ADRA1A: variants seen among roughly 807,000 people sequenced by gnomAD.
The protein encoded by ADRA1A is alpha-1A adrenergic receptor.
ADRA1A carries 31 observed loss-of-function variants against 29.6 expected under a neutral mutation model. That is an observed-to-expected ratio of 1.05 (90% confidence interval 0.79 to 1.41). ADRA1A has a LOEUF of 1.41. ADRA1A is among the 40% of genes most tolerant of loss of function. The pLI, the probability that ADRA1A is intolerant of heterozygous loss-of-function variation, is 0.00. For synonymous variants in ADRA1A, 311 were observed against 254.3 expected, an observed-to-expected ratio of 1.22 and a Z score of -2.12; for missense variants, 619 against 601.1, an observed-to-expected ratio of 1.03 and a Z score of -0.31.
At chr8:26,807,105 C>A (rs966612173) in intron 2 of ADRA1A, among the ~76,000 whole-genome samples, 1 of 152,226 alleles carries the variant, frequency 6.6e-6, no homozygotes, top group Non-Finnish European at 1.5e-5. Flanking sequence ...CCTTGTAATA[C>A]TTTTCACAGC....
downstream of ADRA1A, among the ~76,000 whole-genome samples, chr8:26,765,362 C>T (rs990557964): frequency 1.3e-5 from 2 of 152,236 alleles, no homozygotes; most frequent in Non-Finnish European, 2.9e-5. Context: ...TTGCTTTTGT[C>T]AGCCTAGCCC....
intron 2 of ADRA1A, among the ~76,000 whole-genome samples, chr8:26,812,451 A>G (rs775477111): frequency 6.6e-6 from 1 of 152,110 alleles, no homozygotes; most frequent in Non-Finnish European, 1.5e-5. Context: ...TTAAGGATAT[A>G]TGCTTATTTA....
At position 26,806,649 on chromosome 8, in the gene ADRA1A, C is replaced by G. The variant is rs1017415961; in HGVS notation, c.884-35983G>C. Among the ~76,000 whole-genome samples the G allele has an allele frequency of 6.6e-6, 1 of 152,170 alleles. No individual in the cohort carries two copies. The highest frequency in any genetic ancestry group is 1.9e-4 in the East Asian group (1 of 5,192). On this transcript the variant is annotated intron_variant, in intron 2 of 2. Coordinates refer to ENST00000380573, the MANE Select transcript of ADRA1A (RefSeq NM_000680.4). The surrounding 1 kb of genome is among the most constrained non-coding windows in gnomAD (Gnocchi z 4.6). ...GCCTATAGCTTAGAATGGAACCTCT[C>G]TAATCGCCAGAGAGTCCGAGGTTTC...
chr8:26,767,372 A>G (rs942999056), downstream of ADRA1A, among the ~76,000 whole-genome samples: 3 of 152,158 alleles, frequency 2.0e-5, no homozygotes, highest in Admixed American at 2.0e-4. Context: ...AAAGGTACAG[A>G]GATTTAGGGG....
Position 26,865,432 on chromosome 8 carries a change from A to G in ADRA1A, c.-463T>C, listed in dbSNP as rs915074831. On this transcript the variant is annotated 5_prime_UTR_variant, in exon 2 of 3. Transcript: ENST00000380573. This position sits in a 1 kb window ranked among gnomAD's most constrained non-coding sequence, Gnocchi z 7.6. ...AAACTCCAGCGCCAGTCTCTCCCTC[A>G]AACCAAAAGATCAGCCGTCGACGCT... is the stretch of plus-strand genomic sequence containing the variant. 14 of 1,002,296 alleles carry G rather than the reference A, an allele frequency of 1.4e-5. No individual in the cohort carries two copies. Among genetic ancestry groups the G allele is most frequent in the African/African-American group, 3.5e-5 (2 of 57,334 alleles). 62.1% of individuals were successfully genotyped at this position (1,002,296 alleles called of 1,614,324 possible). A position where few individuals can be genotyped will look rare whatever the true frequency, so the allele number is the denominator to read the frequency against.
intron 2 of ADRA1A, among the ~76,000 whole-genome samples, chr8:26,802,147 C>A (rs1042534593): frequency 2.6e-5 from 4 of 151,998 alleles, no homozygotes; most frequent in Non-Finnish European, 5.9e-5. Context: ...GAGAAACTCT[C>A]CAGGACGTTG....
chr8:26,802,532 A>G (rs773138753), intron 2 of ADRA1A, among the ~76,000 whole-genome samples: 1 of 152,160 alleles, frequency 6.6e-6, no homozygotes, highest in Non-Finnish European at 1.5e-5. Flanking sequence ...GAGTTATCTC[A>G]CCCCAGTAAA....
chr8:26,832,676 A>G (rs527676563), intron 2 of ADRA1A, among the ~76,000 whole-genome samples: 1 of 152,276 alleles, frequency 6.6e-6, no homozygotes, highest in Non-Finnish European at 1.5e-5. Context: ...TGTCTAGGGC[A>G]GGGAAGTAGA....
At chr8:26,782,779 A>C (rs896091325) in intron 2 of ADRA1A, among the ~76,000 whole-genome samples, 6 of 152,162 alleles carry the variant, frequency 3.9e-5, no homozygotes, top group African/African-American at 1.4e-4. Flanking sequence ...CTATTACCAG[A>C]CATCCCTCCT....
At chr8:26,835,465 A>G (rs1811279863) in intron 2 of ADRA1A, among the ~76,000 whole-genome samples, 7 of 152,200 alleles carry the variant, frequency 4.6e-5, no homozygotes, top group Admixed American at 4.6e-4. Context: ...GGAAACTTAC[A>G]GTTATGCTGA....
intron 2 of ADRA1A, among the ~76,000 whole-genome samples, chr8:26,853,484 CA>C (rs1170636018): frequency 1.3e-5 from 2 of 152,110 alleles, no homozygotes; most frequent in Non-Finnish European, 2.9e-5. Context: ...ATGTATTATG[CA>C]ACCACAGCCA....
At chr8:26,820,006 A>T (rs1256220373) in intron 2 of ADRA1A, among the ~76,000 whole-genome samples, 1 of 152,202 alleles carries the variant, frequency 6.6e-6, no homozygotes, top group African/African-American at 2.4e-5. Context: ...CACCACAGAA[A>T]AAAAGGTCGT....
intron 2 of ADRA1A, among the ~76,000 whole-genome samples, chr8:26,836,628 T>C (rs1811383595): frequency 6.6e-6 from 1 of 152,208 alleles, no homozygotes; most frequent in South Asian, 2.1e-4. Flanking sequence ...GCGAGTTATT[T>C]AGGCTACATA....
At chr8:26,845,220 A>G (rs1000208346) in intron 2 of ADRA1A, among the ~76,000 whole-genome samples, 1 of 152,246 alleles carries the variant, frequency 6.6e-6, no homozygotes, top group Non-Finnish European at 1.5e-5. Context: ...GAATATATTA[A>G]TAACCCCTGC....
At chr8:26,816,357 G>A (rs765964163) in intron 2 of ADRA1A, among the ~76,000 whole-genome samples, 2 of 152,160 alleles carry the variant, frequency 1.3e-5, no homozygotes, top group African/African-American at 2.4e-5. Context: ...ATCACTGAGG[G>A]ACTCCTCTCC....
At chr8:26,807,156 C>A (rs901732067) in intron 2 of ADRA1A, among the ~76,000 whole-genome samples, 1 of 152,140 alleles carries the variant, frequency 6.6e-6, no homozygotes, top group African/African-American at 2.4e-5. Context: ...AATCTAACCC[C>A]TTTCCATTAA....
At chr8:26,790,608 T>C (rs2130420579) in intron 2 of ADRA1A, among the ~76,000 whole-genome samples, 1 of 152,260 alleles carries the variant, frequency 6.6e-6, no homozygotes, top group Admixed American at 6.5e-5. Context: ...AGTTTGAATG[T>C]TTCCAACACA....
chr8:26,864,144 T>A lies in ADRA1A; in HGVS notation c.826A>T (p.Ile276Phe). The part of the protein sequence containing the change: ...REKKAAKTLG[I>F]VVGCFVLCWL... ...CAGAGGACGAAGCAGCCGACCACGATGCCCAGCGTTTTGGCCGCTTTCTTC... is the reference window on the plus strand; with the variant it reads ...CAGAGGACGAAGCAGCCGACCACGAAGCCCAGCGTTTTGGCCGCTTTCTTC... The change falls in exon 2 of 3, where the codon ATC becomes TTC. Residue 276 changes from isoleucine (I) to phenylalanine (F), a missense_variant. Ile to Phe is a conservative substitution (Grantham distance 21, BLOSUM62 0). Coordinates refer to ENST00000380573, the MANE Select transcript of ADRA1A (RefSeq NM_000680.4). This position sits in a 1 kb window ranked among gnomAD's most constrained non-coding sequence, Gnocchi z 8.1. 6.2e-7 allele frequency: 1 copy of A among 1,614,142 alleles called. No individual in the cohort carries two copies. The highest frequency in any genetic ancestry group is 8.5e-7 in the Non-Finnish European group (1 of 1,180,042).
rs927695104 is a variant in ADRA1A, at chr8:26,771,029, C to A, written c.884-363G>T. On this transcript the variant is annotated intron_variant, in intron 2 of 2. Transcript: ENST00000380573. ...CCTAAATTGAAAAGTAAGTTGGAAT[C>A]CATGCAAGTAATCCATATTAAAATT... 2.1e-5 allele frequency among the ~76,000 whole-genome samples: 3 copies of A among 141,356 alleles called. No homozygotes were observed. In the East Asian group the frequency reaches 8.3e-4, roughly 39 times the overall value. 92.7% of individuals were successfully genotyped at this position (141,356 alleles called of 152,430 possible). A position where few individuals can be genotyped will look rare whatever the true frequency, so the allele number is the denominator to read the frequency against.
Sources: gnomAD v4.1 joint callset for allele counts (sites outside exome capture counted in the v4.1 genomes callset) on GRCh38, gnomAD v4.1.1 for gene constraint, Gnocchi (gnomAD v3.1) non-coding constraint, MANE v1.5 for transcripts, NCBI Gene and HGNC (gene_info 2026-07-23, HGNC 2026-07-21) for gene names.